CSMD1: variants seen among roughly 807,000 people sequenced by gnomAD.
The protein encoded by CSMD1 is CUB and Sushi multiple domains 1, also known as CUB and sushi domain-containing protein 1.
A neutral mutation model predicts 417.5 loss-of-function variants in CSMD1; 213 were observed. The observed-to-expected ratio is 0.51, with a 90% CI of 0.46 to 0.57. The LOEUF is 0.57. Among genes scored for constraint, CSMD1 ranks in the 20% least tolerant of loss-of-function variants. The probability of loss-of-function intolerance (pLI) is 0.00; values close to 1 mark genes in which losing one functional copy is unlikely to be tolerated. For missense variants in CSMD1, 6,923 were observed against 4,529.7 expected, an observed-to-expected ratio of 1.53 and a Z score of -15.17; for synonymous variants, 2,862 against 1,736.8, an observed-to-expected ratio of 1.65 and a Z score of -16.11.
chr8:3,186,169 G>A (rs570618362), intron 36 of CSMD1, among the ~76,000 whole-genome samples: 4 of 152,050 alleles, frequency 2.6e-5, no homozygotes, highest in Admixed American at 1.3e-4. Context: ...AACTTGTGTT[G>A]TTGTTGTTGA....
intron 1 of CSMD1, among the ~76,000 whole-genome samples, chr8:4,929,268 A>C (rs1353784244): frequency 6.6e-6 from 1 of 152,148 alleles, no homozygotes; most frequent in Non-Finnish European, 1.5e-5. Context: ...AAACCTGCAG[A>C]CACCGTCGTT....
At chr8:3,656,920 G>A (rs112670558) in intron 7 of CSMD1, among the ~76,000 whole-genome samples, 1,897 of 112,136 alleles carry the variant, frequency 0.017, 29 homozygotes, top group African/African-American at 0.056. Flanking sequence ...GCAAGACTCT[G>A]TCTAAAAAAA....
intron 3 of CSMD1, among the ~76,000 whole-genome samples, chr8:4,417,226 G>C (rs542663965): frequency 2.6e-5 from 4 of 152,174 alleles, no homozygotes; most frequent in African/African-American, 9.6e-5. Context: ...GATTTCCAGA[G>C]TTAAATTCAA....
At chr8:3,674,547 T>G in intron 7 of CSMD1, among the ~76,000 whole-genome samples, 1 of 152,254 alleles carries the variant, frequency 6.6e-6, no homozygotes, top group East Asian at 1.9e-4. Flanking sequence ...ATTAATTAAA[T>G]GCTTACTATG....
chr8:3,820,315 C>A (rs1801657439), intron 5 of CSMD1, among the ~76,000 whole-genome samples: 2 of 152,070 alleles, frequency 1.3e-5, no homozygotes, highest in Admixed American at 6.5e-5. Flanking sequence ...ACACAGTAGT[C>A]TAAGATGAAT....
At chr8:4,334,022 C>G (rs1175486448) in intron 3 of CSMD1, among the ~76,000 whole-genome samples, 2 of 152,044 alleles carry the variant, frequency 1.3e-5, no homozygotes, top group Admixed American at 1.3e-4. Flanking sequence ...TCCTGAGTAC[C>G]TGGGACCACA....
In CSMD1 at chr8:4,717,454, C is replaced by CTATA. The variant is rs147060959; in HGVS notation, c.86-79900_86-79897dup. ...CACATACACTATATATATACACACA[C>CTATA]TATATATATATATATACACACACAC... is the stretch of plus-strand genomic sequence containing the variant. On this transcript the variant is annotated intron_variant, in intron 1 of 69. Transcript: ENST00000635120. Among the ~76,000 whole-genome samples the CTATA allele has an allele frequency of 9.6e-4, 142 of 147,250 alleles. 1 individual carries two copies. The East Asian group carries it at 0.026, about 27-fold the overall frequency.
chr8:3,871,121 T>C (rs1440343251), intron 5 of CSMD1, among the ~76,000 whole-genome samples: 1 of 152,142 alleles, frequency 6.6e-6, no homozygotes, highest in Non-Finnish European at 1.5e-5. Context: ...TAGAATATTT[T>C]CAATTTTTTA....
At chr8:3,641,596 T>A (rs1032473158) in intron 7 of CSMD1, among the ~76,000 whole-genome samples, 13 of 152,202 alleles carry the variant, frequency 8.5e-5, no homozygotes, top group African/African-American at 3.1e-4. Context: ...ATGCTTCTTA[T>A]GTCTCAAGAG....
rs149500146 is a variant in CSMD1, at chr8:3,118,373, G to A, written c.6430+26C>T. 2.7e-4 allele frequency: 418 copies of A among 1,534,114 alleles called. 1 individual carries two copies. In the African/African-American group the frequency reaches 4.3e-3, roughly 16 times the overall value. On this transcript the variant is annotated intron_variant, in intron 42 of 69. Coordinates refer to ENST00000635120, the MANE Select transcript of CSMD1 (RefSeq NM_033225.6). ...TATTATGCCCATGAAACATTAAATC[G>A]CCCCCATGCAAAGTGATGAACTTAC...
intron 41 of CSMD1, among the ~76,000 whole-genome samples, chr8:3,121,444 C>A (rs1817200214): frequency 6.6e-6 from 1 of 152,116 alleles, no homozygotes; most frequent in Non-Finnish European, 1.5e-5. Context: ...GCATTGGCTC[C>A]CCCAGGGACG....
rs1816997960 is a variant in CSMD1, at chr8:3,118,521, T to C, written c.6308A>G (p.Tyr2103Cys). The C allele has an allele frequency of 2.5e-6, 4 of 1,613,948 alleles. No individual in the cohort carries two copies. The highest frequency in any genetic ancestry group is 3.4e-6 in the Non-Finnish European group (4 of 1,179,844). The change falls in exon 42 of 70, where the codon TAC (tyrosine) becomes TGC (cysteine). Residue 2103 changes from tyrosine to cysteine, a missense_variant. Tyr to Cys is a radical substitution (Grantham distance 194). Coordinates refer to ENST00000635120, the MANE Select transcript of CSMD1 (RefSeq NM_033225.6). Reference sequence around the variant, plus strand: ...GAAAGATACTGATTGCCCCACGCTGTAATCCGAGTTGATCATGTACCCATT... The same window carrying C: ...GAAAGATACTGATTGCCCCACGCTGCAATCCGAGTTGATCATGTACCCATT... ...FQNGYMINSD[Y>C]SVGQSVSFEC... is the part of the protein sequence containing the mutation.
At chr8:3,005,449 G>A (rs1428238868) in intron 52 of CSMD1, among the ~76,000 whole-genome samples, 1 of 152,102 alleles carries the variant, frequency 6.6e-6, no homozygotes, top group African/African-American at 2.4e-5. Flanking sequence ...TGATACCAAA[G>A]CTGGGCAGAA....
rs117732434 is a variant in CSMD1, at chr8:3,522,204, T to C, written c.1345-28478A>G. Among the ~76,000 whole-genome samples the C allele has an allele frequency of 9.9e-3, 1,510 of 152,322 alleles. 13 individuals carry two copies. Among genetic ancestry groups the C allele is most frequent in the Admixed American group, 0.015 (223 of 15,298 alleles). On this transcript the variant is annotated intron_variant, in intron 10 of 69. Transcript: ENST00000635120. The stretch of plus-strand genomic sequence containing the variant: ...TGAAAAATCGTTATATGATTAAATT[T>C]TTTATTATTTTATCTTACATAAAAT...
At chr8:3,704,794 C>G (rs575989233) in intron 7 of CSMD1, 1 of 152,252 alleles carries the variant, frequency 6.6e-6, no homozygotes, top group East Asian at 1.9e-4. Context: ...CAGGGAAATT[C>G]TCCCATTCCT....
chr8:3,175,865 G>A (rs922273018), intron 37 of CSMD1, among the ~76,000 whole-genome samples: 1 of 152,174 alleles, frequency 6.6e-6, no homozygotes, highest in African/African-American at 2.4e-5. Context: ...AGGAGAAAAA[G>A]TAACCTTTTA....
intron 12 of CSMD1, among the ~76,000 whole-genome samples, chr8:3,463,173 C>T (rs1585202140): frequency 6.6e-6 from 1 of 152,196 alleles, no homozygotes; most frequent in Non-Finnish European, 1.5e-5. Flanking sequence ...TAACTGTGCA[C>T]CTGTCGTGAC....
chr8:4,957,628 A>T (rs1563866861), intron 1 of CSMD1, among the ~76,000 whole-genome samples: 1 of 152,238 alleles, frequency 6.6e-6, no homozygotes, highest in Non-Finnish European at 1.5e-5. Context: ...GCACTGAAGA[A>T]ATAAATGATG....
At chr8:3,277,764 G>C (rs780618806) in intron 26 of CSMD1, among the ~76,000 whole-genome samples, 3 of 152,164 alleles carry the variant, frequency 2.0e-5, no homozygotes, top group Non-Finnish European at 4.4e-5. Flanking sequence ...TGGGAGGCTG[G>C]CTGGTGTTTC....
Sources: allele counts gnomAD v4.1 joint callset (sites outside exome capture counted in the v4.1 genomes callset), GRCh38; gene constraint gnomAD v4.1.1; transcripts MANE v1.5; gene names NCBI Gene and HGNC (gene_info 2026-07-23, HGNC 2026-07-21).